Variants in MFNG observed in about 807,000 individuals in gnomAD.
MFNG encodes the protein MFNG O-fucosylpeptide 3-beta-N-acetylglucosaminyltransferase, also known as beta-1,3-N-acetylglucosaminyltransferase manic fringe.
In MFNG, 24 loss-of-function variants were observed where a neutral mutation model predicts 34.2. The observed-to-expected ratio is 0.70, with a 90% CI of 0.51 to 0.99. The LOEUF is 0.99. Among genes scored for constraint, MFNG ranks in the 50% least tolerant of loss-of-function variants. The probability of loss-of-function intolerance (pLI) is 0.00; values close to 1 mark genes in which losing one functional copy is unlikely to be tolerated. For missense variants in MFNG, 383 were observed against 424.0 expected, an observed-to-expected ratio of 0.90 and a Z score of 0.85; for synonymous variants, 158 against 179.2, an observed-to-expected ratio of 0.88 and a Z score of 0.94.
intron 7 of MFNG, among the ~76,000 whole-genome samples, chr22:37,471,507 C>T (rs951571643): frequency 1.3e-5 from 2 of 152,118 alleles, no homozygotes; most frequent in Non-Finnish European, 2.9e-5. Flanking sequence ...TCCTCTCCAC[C>T]CCCATCCCGC....
chr22:37,473,456 GTGTGGTGCCTGGCATTGTGGGTA>G (rs1921897774), intron 6 of MFNG, among the ~76,000 whole-genome samples: 1 of 152,000 alleles, frequency 6.6e-6, no homozygotes, highest in Non-Finnish European at 1.5e-5. Context: ...AAGGACCCCA[GTGTGGTGCCTGGCATTGTGGGTA>G]CTCAGGATAC....
intron 7 of MFNG, among the ~76,000 whole-genome samples, chr22:37,471,193 C>T (rs113991981): frequency 2.6e-5 from 4 of 152,318 alleles, no homozygotes; most frequent in African/African-American, 9.6e-5. Flanking sequence ...TCACCTCATG[C>T]CCTCCTCTAC....
chr22:37,484,993 G>C (rs1922476673), intron 1 of MFNG, among the ~76,000 whole-genome samples: 1 of 152,050 alleles, frequency 6.6e-6, no homozygotes, highest in South Asian at 2.1e-4. Flanking sequence ...GTGTGTGTGT[G>C]TGTGTACCCA....
chr22:37,476,621 T>C (rs1355151800), intron 5 of MFNG, among the ~76,000 whole-genome samples: 1 of 152,148 alleles, frequency 6.6e-6, no homozygotes, highest in Non-Finnish European at 1.5e-5. Flanking sequence ...CATTGGCCAC[T>C]GCATTATCAG....
chr22:37,471,448 T>C (rs1288265879), intron 7 of MFNG, among the ~76,000 whole-genome samples: 1 of 152,022 alleles, frequency 6.6e-6, no homozygotes, highest in Middle Eastern at 3.2e-3. Flanking sequence ...AAGCATCAGT[T>C]CTGGGGTTGG....
intron 7 of MFNG, among the ~76,000 whole-genome samples, chr22:37,471,139 G>A (rs567347185): frequency 6.6e-6 from 1 of 152,150 alleles, no homozygotes; most frequent in East Asian, 1.9e-4. Flanking sequence ...CGTCCCCCAG[G>A]ACTCCCTCTG....
intron 1 of MFNG, among the ~76,000 whole-genome samples, chr22:37,484,011 C>T (rs947806574): frequency 2.0e-5 from 3 of 152,086 alleles, no homozygotes; most frequent in Non-Finnish European, 4.4e-5. Context: ...CAGGCAGCCG[C>T]GGGAAACAAA....
Position 37,479,426 on chromosome 22 carries a change from C to T in MFNG, c.480G>A (p.Pro160=), listed in dbSNP as rs149568963. The change falls in exon 4 of 8, where the codon CCG becomes CCA. Residue 160 remains proline (P), a synonymous_variant. Coordinates refer to ENST00000356998, the MANE Select transcript of MFNG (RefSeq NM_002405.4). ...RALLQLLRAF[P]LARDVYVGRP... ...TTCCCACATAGACGTCGCGGGCCAG[C>T]GGGAAGGCTCTCAGAAGCTGCAGCA... 1.5e-5 allele frequency: 24 copies of T among 1,608,960 alleles called. No homozygotes were observed. Among genetic ancestry groups the T allele is most frequent in the Middle Eastern group, 1.6e-4 (1 of 6,064 alleles).
chr22:37,470,575 G>A (rs927478550), intron 7 of MFNG, among the ~76,000 whole-genome samples: 9 of 152,222 alleles, frequency 5.9e-5, no homozygotes, highest in African/African-American at 1.2e-4. Flanking sequence ...AGCTTCGTTC[G>A]TCTTGGAATT....
intron 5 of MFNG, among the ~76,000 whole-genome samples, chr22:37,475,446 A>T (rs962999894): frequency 1.3e-5 from 2 of 151,534 alleles, no homozygotes; most frequent in Non-Finnish European, 2.9e-5. Context: ...CTGGTCTTGA[A>T]CTCCTAACCT....
At position 37,472,016 on chromosome 22, in the gene MFNG, T is replaced by C. The variant is rs116288390; in HGVS notation, c.899+427A>G. ...GTGTTATTCCAACCCTTTACCTGCC[T>C]AAAAGAAGCATTTAAGAGTATCAAA... On this transcript the variant is annotated intron_variant, in intron 7 of 7. Coordinates refer to ENST00000356998, the MANE Select transcript of MFNG (RefSeq NM_002405.4). Among the ~76,000 whole-genome samples the C allele has an allele frequency of 9.7e-3, 1,480 of 151,976 alleles. 33 individuals are homozygous for C. Among genetic ancestry groups the C allele is most frequent in the African/African-American group, 0.034 (1,410 of 41,404 alleles).
chr22:37,482,418 G>GTC lies in MFNG; in HGVS notation c.256-1651_256-1650dup, dbSNP rs370538273. Among the ~76,000 whole-genome samples, 40 of 150,842 alleles carry GTC rather than the reference G, an allele frequency of 2.7e-4. No homozygotes were observed. The highest frequency in any genetic ancestry group is 6.9e-4 in the African/African-American group (28 of 40,864). ...GTCCACCCCTGGGGCTTCTCTCTCT[G>GTC]TCTCTCTCTCTCACACACACACACG... is the stretch of plus-strand genomic sequence containing the variant. On this transcript the variant is annotated intron_variant, in intron 1 of 7. Transcript: ENST00000356998. This position sits in a 1 kb window ranked among gnomAD's most constrained non-coding sequence, Gnocchi z 4.1.
At chr22:37,480,087 G>T in intron 3 of MFNG, 110 bp downstream of exon 3, 1 of 789,336 alleles carries the variant, frequency 1.3e-6, no homozygotes, top group Non-Finnish European at 2.0e-6. Flanking sequence ...CCAGCCATCT[G>T]CCCACTGCCT....
Position 37,479,504 on chromosome 22 carries a change from G to A in MFNG, c.408-6C>T, listed in dbSNP as rs746192988. ...CGTCCACATGGCAGAACCACCTGTA[G>A]GGATGAAACGGGGACAGTGAACTTG... On this transcript the variant is annotated splice_region_variant and splice_polypyrimidine_tract_variant and intron_variant, in intron 3 of 7. Transcript: ENST00000356998. 2.5e-6 allele frequency: 4 copies of A among 1,609,538 alleles called. No individual in the cohort carries two copies. Among genetic ancestry groups the A allele is most frequent in the Non-Finnish European group, 3.4e-6 (4 of 1,178,102 alleles).
Position 37,469,540 on chromosome 22 carries a change from G to A in MFNG, c.*423C>T. Reference sequence around the variant, plus strand: ...AGGAACTCGGGACACAGATGAGGGAGGCAGGAGTGGGCGGCCCAGCGCTTG... The same window carrying A: ...AGGAACTCGGGACACAGATGAGGGAAGCAGGAGTGGGCGGCCCAGCGCTTG... On this transcript the variant is annotated 3_prime_UTR_variant, in exon 8 of 8. Coordinates refer to ENST00000356998, the MANE Select transcript of MFNG (RefSeq NM_002405.4). The A allele has an allele frequency of 3.0e-6, 1 of 332,424 alleles. No individual in the cohort carries two copies. Among genetic ancestry groups the A allele is most frequent in the South Asian group, 2.4e-5 (1 of 41,284 alleles). 20.6% of individuals were successfully genotyped at this position (332,424 alleles called of 1,614,324 possible).
rs756383750 is a variant in MFNG, at chr22:37,476,990, G to C, written c.562-9C>G. 3.1e-6 allele frequency: 5 copies of C among 1,613,758 alleles called. No homozygotes were observed. The South Asian group carries it at 5.5e-5, about 18-fold the overall frequency. On this transcript the variant is annotated splice_polypyrimidine_tract_variant and intron_variant, in intron 4 of 7. Transcript: ENST00000356998. ...CAGAACTGTACCAGCCTCTGAGAGA[G>C]AGGAAGGCCAAGGGGCAGAGTGAGC...
chr22:37,485,202 CACAA>C lies in MFNG; in HGVS notation c.255+717_255+720del, dbSNP rs1922488852. Among the ~76,000 whole-genome samples the C allele has an allele frequency of 6.6e-6, 1 of 152,136 alleles. No individual in the cohort carries two copies. Among genetic ancestry groups the C allele is most frequent in the Non-Finnish European group, 1.5e-5 (1 of 68,020 alleles). On this transcript the variant is annotated intron_variant, in intron 1 of 7. Transcript: ENST00000356998. The surrounding 1 kb of genome is among the most constrained non-coding windows in gnomAD (Gnocchi z 5.3). The stretch of plus-strand genomic sequence containing the variant: ...GTGTGAGCACACACACACACACACA[CACAA>C]TCCCACGTGCCAGGCAGGCCTCCCC...
chr22:37,476,565 C>T (rs1417400312), intron 5 of MFNG, among the ~76,000 whole-genome samples: 1 of 152,146 alleles, frequency 6.6e-6, no homozygotes, highest in Non-Finnish European at 1.5e-5. Context: ...TAAATAGCAC[C>T]TACCAGGGCC....
At chr22:37,479,746 G>A (rs1243877843) in intron 3 of MFNG, among the ~76,000 whole-genome samples, 1 of 152,186 alleles carries the variant, frequency 6.6e-6, no homozygotes, top group Non-Finnish European at 1.5e-5. Flanking sequence ...GCTCACGCCT[G>A]TAAGCCCAGC....
Sources: gnomAD v4.1 joint callset for allele counts (sites outside exome capture counted in the v4.1 genomes callset) on GRCh38, gnomAD v4.1.1 for gene constraint, Gnocchi (gnomAD v3.1) non-coding constraint, MANE v1.5 for transcripts, NCBI Gene and HGNC (gene_info 2026-07-23, HGNC 2026-07-21) for gene names.